The following MSRA variants were observed in gnomAD, a reference collection of about 807,000 sequenced individuals.
MSRA encodes mitochondrial peptide methionine sulfoxide reductase.
A neutral mutation model predicts 31.3 loss-of-function variants in MSRA; 54 were observed. That is an observed-to-expected ratio of 1.73 (90% CI 1.39 to 2.17). The LOEUF is 2.17. MSRA is among the 30% of genes most tolerant of loss of function. MSRA has a pLI of 0.00. For synonymous variants in MSRA, 169 were observed against 116.5 expected (o/e 1.45, Z -2.90); for missense variants, 507 against 300.9 (o/e 1.69, Z -5.07).
chr8:10,219,308 C>T (rs1359814566), intron 2 of MSRA, among the ~76,000 whole-genome samples: 2 of 152,298 alleles, frequency 1.3e-5, no homozygotes, highest in East Asian at 3.9e-4. Flanking sequence ...ATTTTCCATA[C>T]TTCCAGTTCT....
chr8:10,090,151 A>T (rs7832431), intron 1 of MSRA, among the ~76,000 whole-genome samples: 2 of 151,972 alleles, frequency 1.3e-5, no homozygotes, highest in Non-Finnish European at 2.9e-5. Context: ...CTTAATGCAG[A>T]GGGGGCTGGC....
intron 5 of MSRA, among the ~76,000 whole-genome samples, chr8:10,351,594 A>G (rs552158998): frequency 6.6e-6 from 1 of 152,310 alleles, no homozygotes; most frequent in Non-Finnish European, 1.5e-5. Flanking sequence ...GTAAAAAGTG[A>G]AAGGTTTCTG....
intron 5 of MSRA, among the ~76,000 whole-genome samples, chr8:10,418,815 TAAAAAAAAAA>T (rs71203323): frequency 4.5e-5 from 3 of 66,036 alleles, no homozygotes; most frequent in Non-Finnish European, 7.4e-5. Context: ...TTACTACGAC[TAAAAAAAAAA>T]AAAAAAAAAA....
chr8:10,077,326 A>G (rs933024298), intron 1 of MSRA, among the ~76,000 whole-genome samples: 4 of 152,146 alleles, frequency 2.6e-5, no homozygotes, highest in Admixed American at 6.5e-5. Flanking sequence ...AAATAAGGCA[A>G]CAGGTTCAAA....
intron 5 of MSRA, among the ~76,000 whole-genome samples, chr8:10,351,604 G>A (rs1377303614): frequency 6.6e-6 from 1 of 152,216 alleles, no homozygotes; most frequent in African/African-American, 2.4e-5. Context: ...AAAGGTTTCT[G>A]TGAACGTCTG....
intron 3 of MSRA, among the ~76,000 whole-genome samples, chr8:10,296,979 A>G (rs905841786): frequency 3.3e-5 from 5 of 152,200 alleles, no homozygotes; most frequent in Admixed American, 3.3e-4. Flanking sequence ...GCAGCCCAAC[A>G]GTAGCAAAAT....
intron 5 of MSRA, among the ~76,000 whole-genome samples, chr8:10,350,129 C>T (rs181492091): frequency 2.6e-5 from 4 of 152,348 alleles, no homozygotes; most frequent in African/African-American, 9.6e-5. Flanking sequence ...AAATCATTAG[C>T]CACAATCTGG....
intron 1 of MSRA, among the ~76,000 whole-genome samples, chr8:10,140,815 G>T (rs980542922): frequency 6.6e-6 from 1 of 151,972 alleles, no homozygotes; most frequent in Non-Finnish European, 1.5e-5. Context: ...CTATCTAATG[G>T]CTAAAAATAG....
At position 10,375,868 on chromosome 8, in the gene MSRA, G is replaced by A. The variant is rs117472261; in HGVS notation, c.544-52280G>A. On this transcript the variant is annotated intron_variant, in intron 5 of 5. Coordinates refer to ENST00000317173, the MANE Select transcript of MSRA (RefSeq NM_012331.5). ...CTGAAGGAGAGAATTCCCCCGACCC[G>A]ACTTCTTTGCACTGGACTGGAATTG... Among the ~76,000 whole-genome samples the A allele has an allele frequency of 3.3e-3, 498 of 152,318 alleles. 1 individual carries two copies. Among genetic ancestry groups the A allele is most frequent in the Non-Finnish European group, 5.2e-3 (357 of 68,030 alleles).
chr8:10,055,611 G>T (rs1055921748), intron 1 of MSRA, among the ~76,000 whole-genome samples: 4 of 152,236 alleles, frequency 2.6e-5, no homozygotes, highest in Non-Finnish European at 5.9e-5. Context: ...TGTAATGTAC[G>T]CTGTAGCTTG....
chr8:10,173,157 T>C (rs114579438), intron 1 of MSRA, among the ~76,000 whole-genome samples: 238 of 152,394 alleles, frequency 1.6e-3, no homozygotes, highest in African/African-American at 5.6e-3. Flanking sequence ...CAAACTGTTT[T>C]ATTTAAAATC....
At chr8:10,200,531 A>G (rs1464306863) in intron 1 of MSRA, among the ~76,000 whole-genome samples, 1 of 152,114 alleles carries the variant, frequency 6.6e-6, no homozygotes, top group African/African-American at 2.4e-5. Flanking sequence ...CACGGGTCCC[A>G]GCTGCTGGTT....
chr8:10,056,283 A>C (rs1377287235), intron 1 of MSRA, among the ~76,000 whole-genome samples: 2 of 151,884 alleles, frequency 1.3e-5, no homozygotes, highest in Admixed American at 6.6e-5. Context: ...AAGATGGACC[A>C]AAATTTACTT....
At chr8:10,136,431 C>G (rs374164689) in intron 1 of MSRA, among the ~76,000 whole-genome samples, 1 of 152,214 alleles carries the variant, frequency 6.6e-6, no homozygotes, top group African/African-American at 2.4e-5. Context: ...AGCCACCATT[C>G]CTCTCTCGTA....
At chr8:10,079,957 C>T (rs953087897) in intron 1 of MSRA, among the ~76,000 whole-genome samples, 6 of 152,184 alleles carry the variant, frequency 3.9e-5, no homozygotes, top group Non-Finnish European at 5.9e-5. Context: ...TCCTGACCTG[C>T]GGTAATTTTA....
At chr8:10,344,639 T>G (rs1423558603) in intron 5 of MSRA, among the ~76,000 whole-genome samples, 1 of 149,142 alleles carries the variant, frequency 6.7e-6, no homozygotes, top group African/African-American at 2.5e-5. Flanking sequence ...ATAAGGATTA[T>G]GTTGCATTAA....
chr8:10,221,466 C>T (rs1238597566), intron 2 of MSRA, among the ~76,000 whole-genome samples: 6 of 150,888 alleles, frequency 4.0e-5, no homozygotes, highest in Non-Finnish European at 8.8e-5. Flanking sequence ...TTGTTCTTTA[C>T]ACTTAACTCT....
chr8:10,285,486 T>C (rs1799884519), intron 3 of MSRA, among the ~76,000 whole-genome samples: 1 of 152,170 alleles, frequency 6.6e-6, no homozygotes, highest in Non-Finnish European at 1.5e-5. Flanking sequence ...TATCATTTCT[T>C]TGTGTTGGGA....
chr8:10,236,695 C>G (rs867676325), intron 2 of MSRA, among the ~76,000 whole-genome samples: 1 of 152,072 alleles, frequency 6.6e-6, no homozygotes, highest in Non-Finnish European at 1.5e-5. Context: ...CAGGTGCACG[C>G]CACCACACCT....
Sources: gnomAD v4.1 joint callset for allele counts (sites outside exome capture counted in the v4.1 genomes callset) on GRCh38, gnomAD v4.1.1 for gene constraint, MANE v1.5 for transcripts, NCBI Gene and HGNC (gene_info 2026-07-23, HGNC 2026-07-21) for gene names.